Variants in RTL4 observed in about 807,000 individuals in gnomAD.
RTL4 encodes retrotransposon Gag like 4, also known as retrotransposon Gag-like protein 4.
RTL4 carries 4 observed loss-of-function variants against 5.3 expected under a neutral mutation model. That is an observed-to-expected ratio of 0.75 (90% CI 0.37 to 1.72). The LOEUF (loss-of-function observed/expected upper bound fraction) is 1.72. RTL4 is among the 40% of genes most tolerant of loss of function. The pLI is 0.04. For synonymous variants in RTL4, 98 were observed against 87.3 expected, an observed-to-expected ratio of 1.12 and a Z score of -0.68; for missense variants, 260 against 227.1, an observed-to-expected ratio of 1.14 and a Z score of -0.93.
At chrX:112,208,835 C>T in the RTL4 span, among the ~76,000 whole-genome samples, 3 of 112,432 alleles carry the variant, frequency 2.7e-5, no homozygotes, top group Non-Finnish European at 5.6e-5. Context: ...AAGAACCTTA[C>T]AGGTGTGGAA....
upstream of RTL4, among the ~76,000 whole-genome samples, chrX:112,452,840 T>C (rs1010973922): frequency 1.8e-5 from 2 of 110,788 alleles, no homozygotes; most frequent in Admixed American, 9.6e-5. Flanking sequence ...GAGACCAGCC[T>C]GGCCAACATG....
chrX:112,388,420 T>C, the RTL4 span, among the ~76,000 whole-genome samples: 5 of 112,312 alleles, frequency 4.5e-5, no homozygotes, highest in East Asian at 1.4e-3. Flanking sequence ...TCTTGCCTGA[T>C]TGCTCTAGCT....
At chrX:112,352,247 T>C in the RTL4 span, among the ~76,000 whole-genome samples, 1 of 111,404 alleles carries the variant, frequency 9.0e-6, no homozygotes, top group African/African-American at 3.3e-5. Context: ...GCTGTTAGTC[T>C]GATGGGCTTC....
chrX:112,220,184 C>T, the RTL4 span, among the ~76,000 whole-genome samples: 3 of 112,480 alleles, frequency 2.7e-5, no homozygotes, highest in Non-Finnish European at 3.8e-5. Context: ...AAAATAATGA[C>T]TTATTTAAGA....
At chrX:112,384,781 T>A in the RTL4 span, among the ~76,000 whole-genome samples, 1 of 111,956 alleles carries the variant, frequency 8.9e-6, no homozygotes, top group Middle Eastern at 4.2e-3. Context: ...TAGCATTGAA[T>A]CTATAAATTA....
chrX:112,294,918 T>A, the RTL4 span, among the ~76,000 whole-genome samples: 1 of 112,240 alleles, frequency 8.9e-6, no homozygotes, highest in African/African-American at 3.2e-5. Flanking sequence ...CTCACCATAG[T>A]GTACCAGCCA....
At chrX:112,226,757 T>C in the RTL4 span, among the ~76,000 whole-genome samples, 1 of 81,883 alleles carries the variant, frequency 1.2e-5, no homozygotes, top group South Asian at 4.3e-4. Context: ...ATACTTCGCA[T>C]CCTCAATTAT....
At chrX:112,292,242 A>G in the RTL4 span, among the ~76,000 whole-genome samples, 4 of 111,904 alleles carry the variant, frequency 3.6e-5, no homozygotes, top group Non-Finnish European at 7.5e-5. Flanking sequence ...TGAAAACCAG[A>G]CGGAAACTCA....
chrX:112,161,822 TTCCTTCCTTC>T, the RTL4 span, among the ~76,000 whole-genome samples: 4 of 43,119 alleles, frequency 9.3e-5, no homozygotes, highest in Middle Eastern at 0.011. Context: ...CCTTCCTTCC[TTCCTTCCTTC>T]CTTCCTTCCT....
the RTL4 span, among the ~76,000 whole-genome samples, chrX:112,276,707 T>A: frequency 0.053 from 5,954 of 111,648 alleles, 375 homozygotes; most frequent in African/African-American, 0.18. Flanking sequence ...TTAATTTTAA[T>A]ATATGGTGAA....
the RTL4 span, among the ~76,000 whole-genome samples, chrX:112,153,927 T>C: frequency 2.7e-5 from 3 of 111,130 alleles, no homozygotes; most frequent in South Asian, 1.1e-3. Context: ...TTCTTTCTGT[T>C]CCCTTTTCTT....
At chrX:112,083,484 T>C in the RTL4 span, among the ~76,000 whole-genome samples, 2 of 111,791 alleles carry the variant, frequency 1.8e-5, no homozygotes, top group African/African-American at 6.5e-5. Context: ...TGGGGTCCTA[T>C]GGGGCAGGCT....
chrX:112,322,919 T>A, the RTL4 span, among the ~76,000 whole-genome samples: 1 of 112,130 alleles, frequency 8.9e-6, no homozygotes, highest in Admixed American at 9.5e-5. Flanking sequence ...AGATGTACTA[T>A]AATTTATTCA....
the RTL4 span, among the ~76,000 whole-genome samples, chrX:112,206,191 A>T: frequency 1.7e-4 from 19 of 111,588 alleles, no homozygotes; most frequent in Non-Finnish European, 3.0e-4. Flanking sequence ...TCCAGTGACA[A>T]TATTAAACAA....
At chrX:112,182,960 G>A in the RTL4 span, among the ~76,000 whole-genome samples, 114 of 112,021 alleles carry the variant, frequency 1.0e-3, no homozygotes, top group African/African-American at 3.3e-3. Flanking sequence ...GACTAACAGC[G>A]GATCTCTGCA....
the RTL4 span, among the ~76,000 whole-genome samples, chrX:112,362,987 C>T: frequency 9.0e-6 from 1 of 111,135 alleles, no homozygotes; most frequent in East Asian, 2.9e-4. Context: ...AAAGTGTGCT[C>T]TGCGAGCAGC....
At chrX:112,233,529 A>G in the RTL4 span, among the ~76,000 whole-genome samples, 3 of 111,440 alleles carry the variant, frequency 2.7e-5, no homozygotes, top group Admixed American at 2.9e-4. Context: ...TACTGAAAAA[A>G]GAGCAGCAAA....
At chrX:112,126,163 C>T in the RTL4 span, among the ~76,000 whole-genome samples, 1 of 111,582 alleles carries the variant, frequency 9.0e-6, no homozygotes, top group African/African-American at 3.3e-5. Flanking sequence ...ATGACTAGTC[C>T]CTAAGAAGTT....
chrX:112,347,135 C>A, the RTL4 span, among the ~76,000 whole-genome samples: 2 of 111,752 alleles, frequency 1.8e-5, no homozygotes, highest in Non-Finnish European at 3.8e-5. Flanking sequence ...GAGCCCATTT[C>A]TTCCTCTCCA....
Sources: gnomAD v4.1 joint callset for allele counts (sites outside exome capture counted in the v4.1 genomes callset) on GRCh38, gnomAD v4.1.1 for gene constraint, MANE v1.5 for transcripts, NCBI Gene and HGNC (gene_info 2026-07-23, HGNC 2026-07-21) for gene names.